MYH11: variants seen among roughly 807,000 people sequenced by gnomAD.
MYH11 encodes the protein myosin heavy chain 11.
In MYH11, 80 loss-of-function variants were observed where a neutral mutation model predicts 246.6. That is an observed-to-expected ratio of 0.32 (90% CI 0.27 to 0.39). The LOEUF (loss-of-function observed/expected upper bound fraction) is 0.39. MYH11 is among the 10% of genes least tolerant of loss of function. The pLI is 1.00. For missense variants in MYH11, 2,158 were observed against 2,546.8 expected (o/e 0.85, Z 3.29); for synonymous variants, 1,071 against 1,015.5 (o/e 1.05, Z -1.04).
chr16:15,799,360 C>T (rs1295431423), intron 3 of MYH11, among the ~76,000 whole-genome samples: 1 of 152,152 alleles, frequency 6.6e-6, no homozygotes, highest in Non-Finnish European at 1.5e-5. Flanking sequence ...TGGACAGAGC[C>T]CTGAGGCAGA....
intron 1 of MYH11, among the ~76,000 whole-genome samples, chr16:15,847,853 T>C (rs1050567597): frequency 3.3e-5 from 5 of 152,192 alleles, no homozygotes; most frequent in Admixed American, 2.0e-4. Context: ...CGACTCATGC[T>C]AGAATGGTGT....
chr16:15,826,594 G>GAAAAAGAAAA (rs60312771), intron 2 of MYH11, among the ~76,000 whole-genome samples: 15,009 of 148,148 alleles, frequency 0.1, 1,169 homozygotes, highest in African/African-American at 0.21. Context: ...TCTCAAAAAA[G>GAAAAAGAAAA]AAAAAGAAAG....
In MYH11 at chr16:15,838,827, A is replaced by G. The variant is rs1054268365; in HGVS notation, c.-17-558T>C. Among the ~76,000 whole-genome samples, 3 of 146,834 alleles carry G rather than the reference A, an allele frequency of 2.0e-5. No individual in the cohort carries two copies. The Admixed American group carries it at 2.1e-4, about 10-fold the overall frequency. On this transcript the variant is annotated intron_variant, in intron 1 of 40. Coordinates refer to ENST00000300036, the MANE Select transcript of MYH11 (RefSeq NM_002474.3). Reference sequence around the variant, plus strand: ...AGCCAAGATAGTGCCACTGCACTCCAGCCTGGGTGACAGAGCCAGACTCCA... The same window carrying G: ...AGCCAAGATAGTGCCACTGCACTCCGGCCTGGGTGACAGAGCCAGACTCCA...
chr16:15,749,608 C>G, intron 16 of MYH11: 1 of 165,492 alleles, frequency 6.0e-6, no homozygotes, highest in Non-Finnish European at 1.3e-5. Flanking sequence ...CTCAGCACTA[C>G]TGGCATCTTG....
At chr16:15,775,706 C>A (rs2042206711) in intron 8 of MYH11, 2 of 251,040 alleles carry the variant, frequency 8.0e-6, no homozygotes, top group Non-Finnish European at 1.5e-5. Context: ...CAGAATGCAT[C>A]TTTTATATTT....
At position 15,732,609 on chromosome 16, in the gene MYH11, T is replaced by C. The variant is rs200589185; in HGVS notation, c.3606A>G (p.Ala1202=). ...GCTCTGTGAGCTCCTCCACCGCCTG[T>C]GCGTGTTTCTGCCTCATCTCCTGGA... ...AQVQEMRQKH[A]QAVEELTEQL... is the part of the protein sequence containing the mutation. Residue 1202 remains alanine, a synonymous_variant, in exon 27 of 41, where the codon GCA becomes GCG. Transcript: ENST00000300036. 2 of 1,614,264 alleles carry C rather than the reference T, an allele frequency of 1.2e-6. No homozygotes were observed. The highest frequency in any genetic ancestry group is 4.5e-5 in the East Asian group (2 of 44,886).
chr16:15,826,750 G>A (rs932843570), intron 2 of MYH11, among the ~76,000 whole-genome samples: 4 of 151,962 alleles, frequency 2.6e-5, no homozygotes, highest in Admixed American at 2.6e-4. Flanking sequence ...CCAGTACTTT[G>A]GGAGACCAAG....
At chr16:15,708,340 G>A (rs1453127061) in intron 40 of MYH11, among the ~76,000 whole-genome samples, 1 of 152,190 alleles carries the variant, frequency 6.6e-6, no homozygotes, top group Non-Finnish European at 1.5e-5. Context: ...ACCCAGACCA[G>A]CCAACTAGAA....
chr16:15,756,571 T>G (rs1317261819), intron 13 of MYH11, 57 bp from the exon 14 acceptor site: 10 of 1,594,970 alleles, frequency 6.3e-6, no homozygotes, highest in Non-Finnish European at 8.6e-6. Context: ...AGGCATTCCA[T>G]GAAGAGCTGG....
At chr16:15,843,164 G>C (rs2044099615) in intron 1 of MYH11, among the ~76,000 whole-genome samples, 1 of 151,730 alleles carries the variant, frequency 6.6e-6, no homozygotes, top group Admixed American at 6.6e-5. Flanking sequence ...GAGGTCAAGA[G>C]TTTGAGGCCA....
intron 1 of MYH11, among the ~76,000 whole-genome samples, chr16:15,850,177 T>G (rs890759001): frequency 2.0e-5 from 3 of 152,004 alleles, no homozygotes; most frequent in African/African-American, 7.2e-5. Context: ...CTGAGGTCAG[T>G]AGTTCAAGAC....
At chr16:15,769,094 T>C (rs1440400779) in intron 9 of MYH11, among the ~76,000 whole-genome samples, 7 of 152,084 alleles carry the variant, frequency 4.6e-5, no homozygotes, top group Non-Finnish European at 7.4e-5. Flanking sequence ...GGGTGGATCA[T>C]CTGAGGTCAG....
intron 2 of MYH11, among the ~76,000 whole-genome samples, chr16:15,830,264 C>T (rs1375831853): frequency 1.3e-5 from 2 of 152,196 alleles, no homozygotes; most frequent in Non-Finnish European, 2.9e-5. Flanking sequence ...CTTTATGAAG[C>T]TGCAGTGCAA....
intron 32 of MYH11, 161 bp downstream of exon 32, chr16:15,721,261 T>G: frequency 1.0e-6 from 1 of 986,026 alleles, no homozygotes; most frequent in East Asian, 2.6e-5. Flanking sequence ...ACTGCCATTC[T>G]CAGCCCCTCC....
In MYH11 at chr16:15,750,132, C is replaced by A. The variant is rs1262982015; in HGVS notation, c.2058+6G>T. On this transcript the variant is annotated splice_donor_region_variant and intron_variant, in intron 16 of 40. Coordinates refer to ENST00000300036, the MANE Select transcript of MYH11 (RefSeq NM_002474.3). This position sits in a 1 kb window ranked among gnomAD's most constrained non-coding sequence, Gnocchi z 4.3. ...GGAGCCCCAGGGTCTGGGCGGCGGG[C>A]CTCACCCTCTTCTCGTGGTTGGGGA... 1 of 1,613,992 alleles carries A rather than the reference C, an allele frequency of 6.2e-7. No homozygotes were observed. Among genetic ancestry groups the A allele is most frequent in the East Asian group, 2.2e-5 (1 of 44,886 alleles).
intron 10 of MYH11, 66 bp from the exon 11 acceptor site, chr16:15,760,724 G>A (rs527978778): frequency 2.0e-5 from 22 of 1,077,592 alleles, no homozygotes; most frequent in Middle Eastern, 2.0e-4. Flanking sequence ...AAGACACATC[G>A]CATGGGATAT....
chr16:15,728,674 C>G (rs749766664), intron 27 of MYH11, among the ~76,000 whole-genome samples: 6 of 151,960 alleles, frequency 3.9e-5, no homozygotes, highest in Non-Finnish European at 8.8e-5. Flanking sequence ...CCTATGCAGG[C>G]AGGTCACTTG....
chr16:15,823,502 G>C, intron 2 of MYH11, 91 bp from the exon 3 acceptor site: 1 of 1,518,706 alleles, frequency 6.6e-7, no homozygotes, highest in South Asian at 1.1e-5. Context: ...TAGAGATGGG[G>C]AAACTGGAGC....
chr16:15,775,566 G>A (rs1049619092), intron 8 of MYH11, among the ~76,000 whole-genome samples: 1 of 152,210 alleles, frequency 6.6e-6, no homozygotes, highest in Non-Finnish European at 1.5e-5. Context: ...CACCTGGCCT[G>A]CAAAGCCTGA....
Sources: allele counts gnomAD v4.1 joint callset (sites outside exome capture counted in the v4.1 genomes callset), GRCh38; gene constraint gnomAD v4.1.1; non-coding constraint Gnocchi (gnomAD v3.1); transcripts MANE v1.5; gene names NCBI Gene and HGNC (gene_info 2026-07-23, HGNC 2026-07-21).